Variants in LY6G5B observed in about 807,000 individuals in gnomAD.
LY6G5B encodes the protein lymphocyte antigen 6 family member G5B, also known as lymphocyte antigen 6 complex locus protein G5b.
Under a neutral mutation model 6.7 loss-of-function variants are expected in LY6G5B, and 6 were observed. The observed-to-expected ratio is 0.89, with a 90% CI of 0.49 to 1.76. LY6G5B has a LOEUF of 1.76. LY6G5B is among the 40% of genes most tolerant of loss of function. The pLI is 0.01. For synonymous variants in LY6G5B, 98 were observed against 99.4 expected (o/e 0.99, Z 0.09); for missense variants, 240 against 249.5 (o/e 0.96, Z 0.26).
chr6:31,671,873 T>C (rs1046424549), exon 3 of LY6G5B: 1 of 1,605,880 alleles, frequency 6.2e-7, no homozygotes, highest in Non-Finnish European at 8.5e-7. Context: ...GATGTCAAGG[T>C]TCGCTTCATC....
chr6:31,672,447 G>C, exon 3 of LY6G5B: 1 of 806,828 alleles, frequency 1.2e-6, no homozygotes, highest in Non-Finnish European at 1.9e-6. Context: ...CTCTGGTGCT[G>C]TTTTTTTGTT....
exon 3 of LY6G5B, chr6:31,672,469 A>G: frequency 1.4e-6 from 1 of 697,608 alleles, no homozygotes; most frequent in East Asian, 2.7e-5. Flanking sequence ...GTTTGAGACA[A>G]AGTCTCGCTC....
chr6:31,670,795 C>A (rs775254336), exon 1 of LY6G5B: 15 of 733,080 alleles, frequency 2.0e-5, no homozygotes, highest in Non-Finnish European at 3.2e-5. Flanking sequence ...CAGCCAGGAT[C>A]CTGCCCCAAG....
chr6:31,672,398 T>A, exon 3 of LY6G5B: 5 of 1,094,856 alleles, frequency 4.6e-6, no homozygotes, highest in South Asian at 4.6e-5. Flanking sequence ...GTTGTACCAC[T>A]AGCATCTATA....
At position 31,672,032 on chromosome 6, in the gene LY6G5B, C is replaced by T. The variant is rs1167131378; in HGVS notation, c.356C>T (p.Pro119Leu). ...CAACTCCAGAGCTCTCTGCCGGAGC[C>T]CCATGACAGGCCCCTGGCCCTGCCT... The change falls in exon 3 of 3, where the codon CCC becomes CTC. Residue 119 changes from proline (P) to leucine (L), a missense_variant. Physicochemically the swap from Pro to Leu is moderately conservative, Grantham distance 98 (BLOSUM62 -3). Transcript: ENST00000375864. 8.1e-6 allele frequency: 13 copies of T among 1,612,950 alleles called. No individual in the cohort carries two copies. In the Admixed American group the frequency reaches 2.2e-4, roughly 27 times the overall value.
In LY6G5B at chr6:31,671,152, C is replaced by G; in HGVS notation, c.59-4C>G. 1 of 1,614,000 alleles carries G rather than the reference C, an allele frequency of 6.2e-7. No homozygotes were observed. On this transcript the variant is annotated splice_polypyrimidine_tract_variant and splice_region_variant and intron_variant, in intron 1 of 2. Transcript: ENST00000375864. Reference sequence around the variant, plus strand: ...TGCCTCCATCCCTCCTTCTGCCTCCCCAGTTCCTGTTCCCGACATCCGGAC... The same window carrying G: ...TGCCTCCATCCCTCCTTCTGCCTCCGCAGTTCCTGTTCCCGACATCCGGAC...
At chr6:31,671,733 T>A in intron 2 of LY6G5B, 131 bp from the exon 3 acceptor site, 1 of 1,126,208 alleles carries the variant, frequency 8.9e-7, no homozygotes, top group Non-Finnish European at 1.2e-6. Flanking sequence ...AGCTCACTTT[T>A]CTAGCCTCTT....
At chr6:31,672,056 C>T in exon 3 of LY6G5B, 1 of 1,613,122 alleles carries the variant, frequency 6.2e-7, no homozygotes. Flanking sequence ...CTGGCCCTGC[C>T]TCTGTCTGAC....
exon 1 of LY6G5B, chr6:31,670,631 T>G: frequency 2.6e-6 from 1 of 388,740 alleles, no homozygotes; most frequent in East Asian, 4.2e-5. Context: ...AGGGAATAGG[T>G]CTTTGGAGGG....
At chr6:31,672,003 C>T in exon 3 of LY6G5B, 2 of 1,613,110 alleles carry the variant, frequency 1.2e-6, no homozygotes, top group Non-Finnish European at 1.7e-6. Context: ...CCTGGTCAAG[C>T]CCCCAACTCC....
intron 2 of LY6G5B, among the ~76,000 whole-genome samples, chr6:31,671,643 A>G (rs3131377): frequency 0.88 from 134,089 of 152,044 alleles, 59,239 homozygotes; most frequent in East Asian, 0.98. Flanking sequence ...CTCCAGCCTG[A>G]GTAACAGAGC....
At chr6:31,671,891 G>A (rs750841621) in exon 3 of LY6G5B, 7 of 1,612,428 alleles carry the variant, frequency 4.3e-6, no homozygotes, top group Non-Finnish European at 5.9e-6. Flanking sequence ...ATCGTTCGAG[G>A]CTGTGGACAG....
exon 3 of LY6G5B, chr6:31,671,930 G>T: frequency 6.2e-7 from 1 of 1,613,018 alleles, no homozygotes. Flanking sequence ...CAAGAAAAAC[G>T]CAACACCTAC....
exon 1 of LY6G5B, chr6:31,670,767 A>T: frequency 1.6e-6 from 1 of 619,884 alleles, no homozygotes; most frequent in Non-Finnish European, 2.8e-6. Flanking sequence ...CCCTCCTGCC[A>T]AGTAATAACT....
chr6:31,671,001 A>G (rs1394433619), exon 1 of LY6G5B: 3 of 1,612,664 alleles, frequency 1.9e-6, no homozygotes, highest in Non-Finnish European at 2.5e-6. Flanking sequence ...GCTTCACAGT[A>G]GGAAAGGGTA....
At chr6:31,670,203 T>G (rs1013609404) in exon 1 of LY6G5B, 30 of 469,414 alleles carry the variant, frequency 6.4e-5, no homozygotes, top group East Asian at 2.0e-4. Flanking sequence ...TTGGGTGGTG[T>G]TTTTAGTATG....
At chr6:31,672,327 C>T (rs761909438) in exon 3 of LY6G5B, 1 of 1,558,442 alleles carries the variant, frequency 6.4e-7, no homozygotes, top group South Asian at 1.2e-5. Context: ...CAGCATCCTG[C>T]ACTGCCCTCT....
At chr6:31,670,829 A>C (rs1802154433) in exon 1 of LY6G5B, 2 of 987,760 alleles carry the variant, frequency 2.0e-6, no homozygotes, top group African/African-American at 3.3e-5. Context: ...CTGCATTTAC[A>C]GCAGCTCCTG....
chr6:31,671,676 C>T (rs1802228292), intron 2 of LY6G5B, among the ~76,000 whole-genome samples, 188 bp from the exon 3 acceptor site: 1 of 152,010 alleles, frequency 6.6e-6, no homozygotes, highest in Non-Finnish European at 1.5e-5. Context: ...CAAAAAAAAC[C>T]AGAAGAATCT....
Sources: allele counts gnomAD v4.1 joint callset (sites outside exome capture counted in the v4.1 genomes callset), GRCh38; gene constraint gnomAD v4.1.1; transcripts MANE v1.5; gene names NCBI Gene and HGNC (gene_info 2026-07-23, HGNC 2026-07-21).